SLC22A16: variants seen among roughly 807,000 people sequenced by gnomAD.
SLC22A16 encodes WUGSC:RG331P03.1.
In SLC22A16, 53 loss-of-function variants were observed where a neutral mutation model predicts 52.9. The ratio of observed to expected loss-of-function variants is 1.00; its 90% confidence interval spans 0.80 to 1.26. The LOEUF (loss-of-function observed/expected upper bound fraction) is 1.26. SLC22A16 is among the 50% of genes most tolerant of loss of function. The probability of loss-of-function intolerance (pLI) is 0.00; values close to 1 mark genes in which losing one functional copy is unlikely to be tolerated. For synonymous variants in SLC22A16, 291 were observed against 268.8 expected, an observed-to-expected ratio of 1.08 and a Z score of -0.81; for missense variants, 726 against 704.0, an observed-to-expected ratio of 1.03 and a Z score of -0.35.
chr6:110,447,116 TC>T (rs758466531), intron 2 of SLC22A16, 126 bp from the exon 3 acceptor site: 4 of 734,392 alleles, frequency 5.4e-6, no homozygotes, highest in Non-Finnish European at 8.8e-6. Flanking sequence ...TGATTGTTTT[TC>T]TTTTATTTAT....
Position 110,431,171 on chromosome 6 carries a change from C to T in SLC22A16, c.1521G>A (p.Gln507=). The change falls in exon 7 of 8, where the codon CAG becomes CAA. Residue 507 remains glutamine (Q), a splice_region_variant and synonymous_variant. Coordinates refer to ENST00000368919, the MANE Select transcript of SLC22A16 (RefSeq NM_033125.4). ...DLSSIWIFIP[Q]LFVGTMALLS... Reference sequence around the variant, plus strand: ...GGAGGGTCTGCAAACTGAAGCACACCTGTGGTATGAAGATCCAAATGCTGC... The same window carrying T: ...GGAGGGTCTGCAAACTGAAGCACACTTGTGGTATGAAGATCCAAATGCTGC... 6.2e-7 allele frequency: 1 copy of T among 1,613,718 alleles called. No homozygotes were observed. Among genetic ancestry groups the T allele is most frequent in the South Asian group, 1.1e-5 (1 of 91,062 alleles).
rs917432343 is a variant in SLC22A16, at chr6:110,457,124, G to C, written c.54-107C>G. The C allele has an allele frequency of 2.5e-5, 25 of 996,372 alleles. 1 individual carries two copies. The highest frequency in any genetic ancestry group is 3.3e-5 in the Non-Finnish European group (23 of 692,502). 61.7% of individuals were successfully genotyped at this position (996,372 alleles called of 1,614,324 possible). A position where few individuals can be genotyped will look rare whatever the true frequency, so the allele number is the denominator to read the frequency against. On this transcript the variant is annotated intron_variant, in intron 1 of 7. Transcript: ENST00000368919. The stretch of plus-strand genomic sequence containing the variant: ...TGTTTATCTTAACATATACACGAAT[G>C]GATAAATATAGAAATAATTATAGAC...
chr6:110,431,072 T>G lies in SLC22A16; in HGVS notation c.1521+99A>C, dbSNP rs111561813. 4.1e-4 allele frequency: 401 copies of G among 975,346 alleles called. 4 individuals are homozygous for G. The African/African-American group carries it at 5.9e-3, about 14-fold the overall frequency. 60.4% of individuals were successfully genotyped at this position (975,346 alleles called of 1,614,324 possible). On this transcript the variant is annotated intron_variant, in intron 7 of 7. Transcript: ENST00000368919. The stretch of plus-strand genomic sequence containing the variant: ...TTCTACAAACCCCATTAGGAAATGA[T>G]GTACTGGCTTTCAGTAAATAACAAT...
chr6:110,461,154 C>T (rs748357447), intron 1 of SLC22A16, among the ~76,000 whole-genome samples: 4 of 152,122 alleles, frequency 2.6e-5, no homozygotes, highest in Admixed American at 6.5e-5. Context: ...ATCTACCGCT[C>T]CCTACACAAA....
At chr6:110,471,229 C>T (rs758632182) in intron 1 of SLC22A16, among the ~76,000 whole-genome samples, 1 of 152,178 alleles carries the variant, frequency 6.6e-6, no homozygotes, top group Non-Finnish European at 1.5e-5. Flanking sequence ...CAATTGCCTA[C>T]AGTATTCAGT....
chr6:110,434,806 C>T (rs1466692598), intron 6 of SLC22A16, among the ~76,000 whole-genome samples: 1 of 152,010 alleles, frequency 6.6e-6, no homozygotes, highest in Admixed American at 6.6e-5. Flanking sequence ...GGTGAAACCC[C>T]GTCTCTACTA....
intron 2 of SLC22A16, among the ~76,000 whole-genome samples, chr6:110,449,242 G>A (rs1448199039): frequency 6.6e-6 from 1 of 151,776 alleles, no homozygotes; most frequent in Non-Finnish European, 1.5e-5. Flanking sequence ...CTGTCCTTTG[G>A]CTTGTAAAAC....
chr6:110,455,270 A>G (rs1427139127), intron 2 of SLC22A16, among the ~76,000 whole-genome samples: 2 of 151,944 alleles, frequency 1.3e-5, no homozygotes, highest in Non-Finnish European at 2.9e-5. Context: ...AGTTGCAAAT[A>G]TTTTGAGTTT....
intron 1 of SLC22A16, among the ~76,000 whole-genome samples, chr6:110,463,913 CAA>C (rs34477824): frequency 6.4e-5 from 9 of 139,980 alleles, no homozygotes; most frequent in East Asian, 2.0e-4. Context: ...TCAATAAATG[CAA>C]AAAAAAAAAA....
At chr6:110,451,985 C>G (rs1775396646) in intron 2 of SLC22A16, among the ~76,000 whole-genome samples, 1 of 152,266 alleles carries the variant, frequency 6.6e-6, no homozygotes, top group South Asian at 2.1e-4. Context: ...TTCTATATAG[C>G]TAGACATCTG....
In SLC22A16 at chr6:110,438,789, C is replaced by T; in HGVS notation, c.1242G>A (p.Arg414=). Reference sequence around the variant, plus strand: ...AAAGAGAGTAGGCCAGGACTGTTCTCCTCCCGACCTTGTCCATGGCGATGC... The same window carrying T: ...AAAGAGAGTAGGCCAGGACTGTTCTTCTCCCGACCTTGTCCATGGCGATGC... ...FVCIAMDKVG[R]RTVLAYSLFC... The change falls in exon 5 of 8, where the codon AGG becomes AGA. Residue 414 remains arginine, a synonymous_variant. Coordinates refer to ENST00000368919, the MANE Select transcript of SLC22A16 (RefSeq NM_033125.4). 1 of 1,614,166 alleles carries T rather than the reference C, an allele frequency of 6.2e-7. No homozygotes were observed. Among genetic ancestry groups the T allele is most frequent in the South Asian group, 1.1e-5 (1 of 91,072 alleles).
At chr6:110,440,768 C>T (rs1176229192) in intron 4 of SLC22A16, among the ~76,000 whole-genome samples, 3 of 152,026 alleles carry the variant, frequency 2.0e-5, no homozygotes, top group Non-Finnish European at 2.9e-5. Context: ...CAGAGCAAGA[C>T]TCCTTTTCCA....
intron 2 of SLC22A16, among the ~76,000 whole-genome samples, chr6:110,454,773 AATATATATAAATATATAAAT>A (rs1221015316): frequency 1.8e-5 from 1 of 56,250 alleles, no homozygotes; most frequent in Non-Finnish European, 2.8e-5. Context: ...TATATATATA[AATATATATAAATATATAAAT>A]ATATATAATA....
intron 7 of SLC22A16, among the ~76,000 whole-genome samples, chr6:110,427,283 A>C (rs1195462677): frequency 1.3e-5 from 2 of 151,360 alleles, no homozygotes; most frequent in African/African-American, 4.9e-5. Context: ...AGAAAGAAAG[A>C]AAGAAAAAGA....
chr6:110,428,892 C>A (rs1457684188), intron 7 of SLC22A16, among the ~76,000 whole-genome samples: 1 of 152,072 alleles, frequency 6.6e-6, no homozygotes, highest in African/African-American at 2.4e-5. Flanking sequence ...TGCACTCCCG[C>A]CTGGTCGACA....
intron 1 of SLC22A16, among the ~76,000 whole-genome samples, chr6:110,471,403 G>A (rs368436805): frequency 3.9e-5 from 6 of 152,182 alleles, no homozygotes; most frequent in African/African-American, 1.4e-4. Flanking sequence ...TATCTCTGTC[G>A]TTAAGCAAAA....
intron 1 of SLC22A16, among the ~76,000 whole-genome samples, chr6:110,463,076 A>C (rs1397653712): frequency 6.6e-6 from 1 of 152,144 alleles, no homozygotes; most frequent in Non-Finnish European, 1.5e-5. Context: ...AGCAAACACT[A>C]AGGGAATTAA....
At chr6:110,464,073 A>C (rs1334609726) in intron 1 of SLC22A16, among the ~76,000 whole-genome samples, 3 of 152,164 alleles carry the variant, frequency 2.0e-5, no homozygotes, top group Admixed American at 6.6e-5. Context: ...ATCAAGGCAG[A>C]AATCAAAAAA....
chr6:110,450,300 C>A (rs184162071), intron 2 of SLC22A16, among the ~76,000 whole-genome samples: 1 of 152,076 alleles, frequency 6.6e-6, no homozygotes, highest in Non-Finnish European at 1.5e-5. Flanking sequence ...TCCATAAATG[C>A]GAGTTTTTAT....
Sources: allele counts gnomAD v4.1 joint callset (sites outside exome capture counted in the v4.1 genomes callset), GRCh38; gene constraint gnomAD v4.1.1; transcripts MANE v1.5; gene names NCBI Gene and HGNC (gene_info 2026-07-23, HGNC 2026-07-21).